LARP1: variants seen among roughly 807,000 people sequenced by gnomAD.
LARP1 encodes la-related protein 1.
Under a neutral mutation model 122.7 loss-of-function variants are expected in LARP1, and 36 were observed. The ratio of observed to expected loss-of-function variants is 0.29; its 90% CI spans 0.22 to 0.39. The LOEUF (loss-of-function observed/expected upper bound fraction) is 0.39. Among genes scored for constraint, LARP1 ranks in the 10% least tolerant of loss-of-function variants. The pLI is 1.00. For missense variants in LARP1, 1,040 were observed against 1,403.6 expected, an observed-to-expected ratio of 0.74 and a Z score of 4.14; for synonymous variants, 539 against 528.7, an observed-to-expected ratio of 1.02 and a Z score of -0.27.
chr5:154,802,020 C>A lies in LARP1; in HGVS notation c.1730C>A (p.Ser577Tyr). 1.2e-6 allele frequency: 2 copies of A among 1,612,390 alleles called. No homozygotes were observed. The highest frequency in any genetic ancestry group is 2.2e-5 in the South Asian group (2 of 90,838). Residue 577 changes from serine to tyrosine, a missense_variant, in exon 11 of 19, where the codon TCC becomes TAC. By Grantham distance (144) the Ser-to-Tyr change is moderately radical. This residue lies in a region of LARP1 where 362 missense variants were observed against 533.1 expected (regional missense o/e 0.68). Coordinates refer to ENST00000518297, the MANE Select transcript of LARP1 (RefSeq NM_033551.3). This position sits in a 1 kb window ranked among gnomAD's most constrained non-coding sequence, Gnocchi z 5.1. ...GTCCTATTTTAGAAGTCAGAGGAGT[C>A]CAGATTTTCCCACCTGACCTCTCTG... ...SPARPKKSEE[S>Y]RFSHLTSLPQ...
intron 1 of LARP1, among the ~76,000 whole-genome samples, chr5:154,747,174 C>T (rs111869011): frequency 6.6e-5 from 10 of 151,808 alleles, no homozygotes; most frequent in East Asian, 1.9e-4. Context: ...GGTGAGGTGG[C>T]GGGCACCTGT....
At chr5:154,706,190 A>G (rs1754936789) in intron 1 of LARP1, among the ~76,000 whole-genome samples, 1 of 151,968 alleles carries the variant, frequency 6.6e-6, no homozygotes, top group South Asian at 2.1e-4. Flanking sequence ...AGCTACTTGG[A>G]GGCTGAGGCA....
At chr5:154,761,598 G>T (rs1334334996) in intron 1 of LARP1, among the ~76,000 whole-genome samples, 1 of 152,158 alleles carries the variant, frequency 6.6e-6, no homozygotes, top group Non-Finnish European at 1.5e-5. Flanking sequence ...GGCCACTGGA[G>T]GTTCAGCAGG....
Position 154,799,695 on chromosome 5 carries a change from T to G in LARP1, c.1482T>G (p.Thr494=). 6.2e-7 allele frequency: 1 copy of G among 1,614,224 alleles called. No homozygotes were observed. Among genetic ancestry groups the G allele is most frequent in the East Asian group, 2.2e-5 (1 of 44,890 alleles). ...CCCCAATAGTGGATTATTCACAGACTGATTTCTCCCAGCTTCTCAACTGCC... is the reference window on the plus strand; with the variant it reads ...CCCCAATAGTGGATTATTCACAGACGGATTTCTCCCAGCTTCTCAACTGCC... ...PLPPIVDYSQ[T]DFSQLLNCPE... is the part of the protein sequence containing the mutation. The change falls in exon 9 of 19, where the codon ACT becomes ACG. Residue 494 remains threonine, a synonymous_variant. Transcript: ENST00000518297.
At chr5:154,777,243 G>A (rs1582378501) in intron 1 of LARP1, among the ~76,000 whole-genome samples, 1 of 152,098 alleles carries the variant, frequency 6.6e-6, no homozygotes, top group South Asian at 2.1e-4. Context: ...GCTCATGCCT[G>A]TAATCCCAGC....
rs551308472 is a variant in LARP1, at chr5:154,811,493, T to C, written c.2954-20T>C. On this transcript the variant is annotated intron_variant, in intron 17 of 18. Transcript: ENST00000518297. Reference sequence around the variant, plus strand: ...TTCTTTATCCTCACCAGCTCAGCTTTTCTGTACCTCTCCCTACAGGCCAAC... The same window carrying C: ...TTCTTTATCCTCACCAGCTCAGCTTCTCTGTACCTCTCCCTACAGGCCAAC... 4 of 1,614,192 alleles carry C rather than the reference T, an allele frequency of 2.5e-6. No homozygotes were observed. Among genetic ancestry groups the C allele is most frequent in the African/African-American group, 1.3e-5 (1 of 75,046 alleles).
intron 8 of LARP1, among the ~76,000 whole-genome samples, chr5:154,796,301 GAGCCCAGGAGTTCAAGATT>G (rs1278646991): frequency 1.3e-5 from 2 of 149,348 alleles, no homozygotes; most frequent in Non-Finnish European, 3.0e-5. Context: ...AGGGTCATGT[GAGCCCAGGAGTTCAAGATT>G]AGCCTGGGTA....
At chr5:154,693,678 AC>A (rs1261278129) in intron 1 of LARP1, among the ~76,000 whole-genome samples, 1 of 151,838 alleles carries the variant, frequency 6.6e-6, no homozygotes, top group African/African-American at 2.4e-5. Flanking sequence ...ACACAATGAA[AC>A]CCCGTCTCTA....
At chr5:154,745,626 C>G (rs765364163) in intron 1 of LARP1, among the ~76,000 whole-genome samples, 2 of 152,164 alleles carry the variant, frequency 1.3e-5, no homozygotes, top group Non-Finnish European at 2.9e-5. Context: ...CTATCGAACA[C>G]TTTCACAAAT....
At chr5:154,790,247 G>A (rs899710137) in intron 1 of LARP1, 78 bp from the exon 2 acceptor site, 38 of 1,213,222 alleles carry the variant, frequency 3.1e-5, no homozygotes, top group African/African-American at 2.1e-4. Flanking sequence ...GAGTGGGGAC[G>A]GTGATGAGGG....
chr5:154,815,393 A>AT lies in LARP1; in HGVS notation c.*1298dup, dbSNP rs1279618037. The AT allele has an allele frequency of 1.3e-5, 2 of 152,442 alleles. No homozygotes were observed. The highest frequency in any genetic ancestry group is 4.8e-5 in the African/African-American group (2 of 41,390). The allele number at this position is 152,442 out of a possible 1,614,324, so 9.4% of individuals were successfully genotyped here. On this transcript the variant is annotated 3_prime_UTR_variant, in exon 19 of 19. Transcript: ENST00000518297. ...CTGTTGGAGAACAGAGTTGGCCTGCATCTGGAACACACTTGTCCTCAGCTT... is the reference window on the plus strand; with the variant it reads ...CTGTTGGAGAACAGAGTTGGCCTGCATTCTGGAACACACTTGTCCTCAGCTT...
In LARP1 at chr5:154,816,032, G is replaced by A. The variant is rs1453864251; in HGVS notation, c.*1936G>A. On this transcript the variant is annotated 3_prime_UTR_variant, in exon 19 of 19. Coordinates refer to ENST00000518297, the MANE Select transcript of LARP1 (RefSeq NM_033551.3). ...GGAGACAGTATCCCAGGCTGACAAG[G>A]GCTTGCCCTTTACCTTGGGCACCTT... 6.6e-6 allele frequency: 1 copy of A among 152,430 alleles called. No individual in the cohort carries two copies. The highest frequency in any genetic ancestry group is 1.5e-5 in the Non-Finnish European group (1 of 68,038). The allele number at this position is 152,430 out of a possible 1,614,324, so 9.4% of individuals were successfully genotyped here.
intron 1 of LARP1, among the ~76,000 whole-genome samples, chr5:154,767,410 T>C (rs2113637576): frequency 2.6e-5 from 4 of 152,280 alleles, no homozygotes; most frequent in African/African-American, 9.6e-5. Context: ...TTGTCCTGGG[T>C]CCTCTTCCCC....
chr5:154,698,911 G>A (rs777099699), intron 1 of LARP1, among the ~76,000 whole-genome samples: 8 of 152,200 alleles, frequency 5.3e-5, no homozygotes, highest in Non-Finnish European at 1.2e-4. Flanking sequence ...GAACCCATTA[G>A]TGTACTAATA....
chr5:154,695,032 T>C (rs1037718810), intron 1 of LARP1, among the ~76,000 whole-genome samples: 1 of 151,094 alleles, frequency 6.6e-6, no homozygotes, highest in Non-Finnish European at 1.5e-5. Context: ...AAAACACTTC[T>C]AGGCTGGGCA....
At chr5:154,748,117 T>TGTGATTATA (rs1753300682) in intron 1 of LARP1, among the ~76,000 whole-genome samples, 1 of 152,232 alleles carries the variant, frequency 6.6e-6, no homozygotes, top group South Asian at 2.1e-4. Flanking sequence ...CCCAAAGTGC[T>TGTGATTATA]GTGATTATAG....
intron 1 of LARP1, among the ~76,000 whole-genome samples, chr5:154,724,177 C>G (rs552151756): frequency 6.6e-6 from 1 of 152,360 alleles, no homozygotes; most frequent in East Asian, 1.9e-4. Flanking sequence ...ACCTTGTTTA[C>G]TATACTAATC....
At chr5:154,779,807 C>T (rs899098591) in intron 1 of LARP1, among the ~76,000 whole-genome samples, 3 of 152,132 alleles carry the variant, frequency 2.0e-5, no homozygotes, top group African/African-American at 7.2e-5. Flanking sequence ...TGTGCCCAGC[C>T]CCCCTCTACA....
In LARP1 at chr5:154,816,838, T is replaced by C; in HGVS notation, c.*2742T>C. On this transcript the variant is annotated 3_prime_UTR_variant, in exon 19 of 19. Transcript: ENST00000518297. ...TCAGACATCAGCAGGTCTGTGTGCC[T>C]CAGCCCTGTTAAGGGGCAGGTTTCT... The C allele has an allele frequency of 6.6e-6, 1 of 152,386 alleles. No individual in the cohort carries two copies. Among genetic ancestry groups the C allele is most frequent in the Non-Finnish European group, 1.5e-5 (1 of 68,080 alleles). 9.4% of individuals were successfully genotyped at this position (152,386 alleles called of 1,614,324 possible).
Sources: allele counts gnomAD v4.1 joint callset (sites outside exome capture counted in the v4.1 genomes callset), GRCh38; gene constraint gnomAD v4.1.1; regional missense constraint gnomAD v4.1.1; non-coding constraint Gnocchi (gnomAD v3.1); transcripts MANE v1.5; gene names NCBI Gene and HGNC (gene_info 2026-07-23, HGNC 2026-07-21).